Variants in COL3A1 observed in about 807,000 individuals in gnomAD.
COL3A1 encodes the protein collagen alpha-1(III) chain.
Under a neutral mutation model 200.9 loss-of-function variants are expected in COL3A1, and 46 were observed. The observed-to-expected ratio is 0.23, with a 90% CI of 0.18 to 0.29. The LOEUF (loss-of-function observed/expected upper bound fraction) is 0.29, where lower values mean the gene tolerates loss of function less well. Ranked by LOEUF, COL3A1 falls within the 10% of genes least tolerant of loss-of-function variation. The pLI is 1.00. For missense variants in COL3A1, 1,367 were observed against 1,917.6 expected (o/e 0.71, Z 5.36); for synonymous variants, 650 against 628.0 (o/e 1.03, Z -0.52).
chr2:188,986,792 G>T (rs1418355089), intron 4 of COL3A1, among the ~76,000 whole-genome samples: 1 of 151,944 alleles, frequency 6.6e-6, no homozygotes, highest in Non-Finnish European at 1.5e-5. Context: ...TTAAGTAAGC[G>T]CATAATAGGA....
At chr2:188,998,563 C>G in intron 28 of COL3A1, 111 bp from the exon 29 acceptor site, 1 of 1,166,358 alleles carries the variant, frequency 8.6e-7, no homozygotes, top group Non-Finnish European at 1.3e-6. Context: ...GCCAACATGA[C>G]AAATGTGTAT....
Position 188,991,473 on chromosome 2 carries a change from T to G in COL3A1, c.853-14T>G. 1 of 1,557,272 alleles carries G rather than the reference T, an allele frequency of 6.4e-7. No homozygotes were observed. Among genetic ancestry groups the G allele is most frequent in the Non-Finnish European group, 8.8e-7 (1 of 1,133,528 alleles). The stretch of plus-strand genomic sequence containing the variant: ...CTCTTTTGTAAAATAGTAACATATT[T>G]TATATGTATCTAGGGTGAAAATGGT... On this transcript the variant is annotated splice_polypyrimidine_tract_variant and intron_variant, in intron 11 of 50. Transcript: ENST00000304636.
Position 188,991,471 on chromosome 2 carries a change from T to A in COL3A1, c.853-16T>A. The A allele has an allele frequency of 6.4e-7, 1 of 1,562,658 alleles. No homozygotes were observed. Among genetic ancestry groups the A allele is most frequent in the Non-Finnish European group, 8.8e-7 (1 of 1,138,728 alleles). ...TCCTCTTTTGTAAAATAGTAACATA[T>A]TTTATATGTATCTAGGGTGAAAATG... On this transcript the variant is annotated splice_polypyrimidine_tract_variant and intron_variant, in intron 11 of 50. Coordinates refer to ENST00000304636, the MANE Select transcript of COL3A1 (RefSeq NM_000090.4).
intron 11 of COL3A1, among the ~76,000 whole-genome samples, 154 bp downstream of exon 11, chr2:188,991,211 A>C (rs1188387388): frequency 6.6e-6 from 1 of 152,160 alleles, no homozygotes; most frequent in East Asian, 1.9e-4. Flanking sequence ...CAGATATTCT[A>C]TTAACGCTTC....
At chr2:188,996,566 G>T in intron 24 of COL3A1, 70 bp downstream of exon 24, 2 of 1,316,550 alleles carry the variant, frequency 1.5e-6, no homozygotes, top group Non-Finnish European at 2.2e-6. Context: ...ATGGAGTAAA[G>T]AAATGGTCAA....
intron 47 of COL3A1, chr2:189,008,615 A>T: frequency 2.1e-6 from 1 of 482,260 alleles, no homozygotes; most frequent in South Asian, 2.3e-5. Flanking sequence ...TGTCATGTCA[A>T]TATTGGAATT....
chr2:189,006,223 T>A lies in COL3A1; in HGVS notation c.3057T>A (p.Asp1019Glu), dbSNP rs151192026. The A allele has an allele frequency of 3.1e-6, 5 of 1,614,230 alleles. No homozygotes were observed. Among genetic ancestry groups the A allele is most frequent in the Non-Finnish European group, 4.2e-6 (5 of 1,180,038 alleles). Residue 1019 changes from aspartate to glutamate, a missense_variant, in exon 42 of 51, where the codon GAT becomes GAA. Asp to Glu is a conservative substitution (Grantham distance 45). Around this residue, in one of 5 missense-constraint regions of COL3A1, gnomAD observed 846 missense variants for 1,147.9 expected, o/e 0.74. Coordinates refer to ENST00000304636, the MANE Select transcript of COL3A1 (RefSeq NM_000090.4). ...EPGRDGNPGS[D>E]GLPGRDGSPG... ...TTAATCAGGGAAACCCTGGATCAGA[T>A]GGTCTTCCAGGCCGAGATGGATCTC...
intron 48 of COL3A1, among the ~76,000 whole-genome samples, chr2:189,009,738 C>T (rs1688678067): frequency 6.6e-6 from 1 of 152,154 alleles, no homozygotes; most frequent in South Asian, 2.1e-4. Context: ...TGACATGGAA[C>T]ACTGCCTTTG....
At chr2:188,986,686 GAGA>G (rs1471139391) in intron 4 of COL3A1, among the ~76,000 whole-genome samples, 2 of 152,134 alleles carry the variant, frequency 1.3e-5, no homozygotes, top group South Asian at 2.1e-4. Context: ...TGCTCAAAAT[GAGA>G]AGGTGTATTA....
rs759951500 is a variant in COL3A1 at position 189,001,580 on chromosome 2, T to C, written c.2382T>C (p.Arg794=). ...GACTTCCAGGTATAGCTGGACCTCGTGGTAGCCCTGTAAGTGTTAAAGACA... is the reference window on the plus strand; with the variant it reads ...GACTTCCAGGTATAGCTGGACCTCGCGGTAGCCCTGTAAGTGTTAAAGACA... ...APGLPGIAGP[R]GSPGERGETG... Residue 794 remains arginine (R), a synonymous_variant, in exon 34 of 51, where the codon CGT becomes CGC. Transcript: ENST00000304636. 6.2e-7 allele frequency: 1 copy of C among 1,613,966 alleles called. No individual in the cohort carries two copies. The highest frequency in any genetic ancestry group is 2.2e-5 in the East Asian group (1 of 44,868).
intron 41 of COL3A1, 28 bp downstream of exon 41, chr2:189,005,485 C>G (rs1322068693): frequency 1.9e-6 from 3 of 1,569,760 alleles, no homozygotes; most frequent in Non-Finnish European, 2.6e-6. Context: ...TTCAACCAGC[C>G]AGGTAGAATT....
chr2:188,978,563 G>A (rs1027873353), intron 1 of COL3A1, among the ~76,000 whole-genome samples: 4 of 151,826 alleles, frequency 2.6e-5, no homozygotes, highest in Non-Finnish European at 4.4e-5. Context: ...TGATATCACC[G>A]CCTTGAAGTG....
In COL3A1 at chr2:189,004,153, T is replaced by C. The variant is rs769435552; in HGVS notation, c.2823+10T>C. The C allele has an allele frequency of 1.2e-6, 2 of 1,613,918 alleles. No homozygotes were observed. The highest frequency in any genetic ancestry group is 2.2e-5 in the East Asian group (1 of 44,854). On this transcript the variant is annotated intron_variant, in intron 39 of 50. Transcript: ENST00000304636. ...TGCCCAGGGCCCACCAGTAAGTAAC[T>C]TCATTTTTTTAAATTGATTCTACTA...
intron 1 of COL3A1, among the ~76,000 whole-genome samples, chr2:188,982,740 T>C (rs959185277): frequency 6.6e-6 from 1 of 151,850 alleles, no homozygotes; most frequent in Non-Finnish European, 1.5e-5. Flanking sequence ...CTGAAACTAA[T>C]CTGTAGGAAT....
chr2:188,983,133 G>A (rs1191280897), intron 1 of COL3A1, among the ~76,000 whole-genome samples: 1 of 151,940 alleles, frequency 6.6e-6, no homozygotes, highest in Non-Finnish European at 1.5e-5. Context: ...CTTAGGAAAT[G>A]TATATAGAAA....
intron 4 of COL3A1, 51 bp downstream of exon 4, chr2:188,985,829 A>T: frequency 1.6e-6 from 2 of 1,215,192 alleles, no homozygotes; most frequent in South Asian, 2.5e-5. Flanking sequence ...TATCTAGTTC[A>T]TCTTCTTTCT....
In COL3A1 at chr2:188,979,407, C is replaced by T. The variant is rs183637689; in HGVS notation, c.79+4839C>T. Among the ~76,000 whole-genome samples, 29 of 151,980 alleles carry T rather than the reference C, an allele frequency of 1.9e-4. No individual in the cohort carries two copies. The East Asian group carries it at 4.5e-3, about 23-fold the overall frequency. On this transcript the variant is annotated intron_variant, in intron 1 of 50. Coordinates refer to ENST00000304636, the MANE Select transcript of COL3A1 (RefSeq NM_000090.4). Reference sequence around the variant, plus strand: ...TCTGAAAAACAGTGTGTTAATGAGACATCTTAAACATATTTTTGCATTGGA... The same window carrying T: ...TCTGAAAAACAGTGTGTTAATGAGATATCTTAAACATATTTTTGCATTGGA...
intron 21 of COL3A1, 72 bp downstream of exon 21, chr2:188,995,171 A>T (rs771431604): frequency 2.1e-6 from 3 of 1,400,016 alleles, no homozygotes; most frequent in African/African-American, 1.4e-5. Context: ...ACAATTTCTC[A>T]TTCATGAAAA....
chr2:188,985,169 T>A, intron 2 of COL3A1, 28 bp from the exon 3 acceptor site: 1 of 1,608,296 alleles, frequency 6.2e-7, no homozygotes, highest in Non-Finnish European at 8.5e-7. Flanking sequence ...CTGTGTCTTG[T>A]TTAACTTGTT....
Sources: allele counts gnomAD v4.1 joint callset (sites outside exome capture counted in the v4.1 genomes callset), GRCh38; gene constraint gnomAD v4.1.1; regional missense constraint gnomAD v4.1.1; transcripts MANE v1.5; gene names NCBI Gene and HGNC (gene_info 2026-07-23, HGNC 2026-07-21).